PSMD4: variants seen among roughly 807,000 people sequenced by gnomAD.
PSMD4 encodes 26S proteasome non-ATPase regulatory subunit 4.
In PSMD4, 5 loss-of-function variants were observed where a neutral mutation model predicts 39.7. That is an observed-to-expected ratio of 0.13 (90% CI 0.07 to 0.26). The LOEUF is 0.26. Among genes scored for constraint, PSMD4 ranks in the 10% least tolerant of loss-of-function variants. The probability of loss-of-function intolerance (pLI) is 1.00; values close to 1 mark genes in which losing one functional copy is unlikely to be tolerated. For synonymous variants in PSMD4, 143 were observed against 174.6 expected (o/e 0.82, Z 1.43); for missense variants, 272 against 486.1 (o/e 0.56, Z 4.14).
Position 151,254,744 on chromosome 1 carries a change from C to G in PSMD4, c.-39C>G, listed in dbSNP as rs996186033. On this transcript the variant is annotated 5_prime_UTR_variant, in exon 1 of 10. Coordinates refer to ENST00000368884, the MANE Select transcript of PSMD4 (RefSeq NM_002810.4). ...CCAATTGGAGGAGTTGTTGTTAGGC[C>G]GTCCCGGAGACCCGGTCGGGAGGGA... The G allele has an allele frequency of 6.5e-7, 1 of 1,548,550 alleles. No homozygotes were observed. Among genetic ancestry groups the G allele is most frequent in the Admixed American group, 2.0e-5 (1 of 50,156 alleles).
In PSMD4 at chr1:151,266,288, T is replaced by A. The variant is rs375059401; in HGVS notation, c.764-20T>A. On this transcript the variant is annotated intron_variant, in intron 7 of 9. Coordinates refer to ENST00000368884, the MANE Select transcript of PSMD4 (RefSeq NM_002810.4). ...GGATATGGCACCAATTCTACCCTGC[T>A]CCTCTTTTCCTTTTCCCAGACTCAG... The A allele has an allele frequency of 1.2e-5, 19 of 1,613,962 alleles. 1 individual carries two copies. In the African/African-American group the frequency reaches 2.0e-4, roughly 17 times the overall value.
At position 151,265,273 on chromosome 1, in the gene PSMD4, G is replaced by T. The variant is rs750534606; in HGVS notation, c.438+39G>T. On this transcript the variant is annotated intron_variant, in intron 5 of 9. Transcript: ENST00000368884. ...GATTGGAGGGCATTGACTTAATTTGGTCATAAACAGAATGGTCCTTAACCC... is the reference window on the plus strand; with the variant it reads ...GATTGGAGGGCATTGACTTAATTTGTTCATAAACAGAATGGTCCTTAACCC... 4 of 1,601,738 alleles carry T rather than the reference G, an allele frequency of 2.5e-6. No individual in the cohort carries two copies. In the East Asian group the frequency reaches 6.7e-5, roughly 27 times the overall value.
intron 1 of PSMD4, among the ~76,000 whole-genome samples, chr1:151,255,176 GATT>G (rs1693134828): frequency 6.6e-6 from 1 of 152,192 alleles, no homozygotes; most frequent in African/African-American, 2.4e-5. Flanking sequence ...TAGGAAAATA[GATT>G]ATTAATCCCT....
chr1:151,256,586 C>T (rs1693177093), intron 1 of PSMD4, among the ~76,000 whole-genome samples: 1 of 144,216 alleles, frequency 6.9e-6, no homozygotes, highest in Non-Finnish European at 1.5e-5. Flanking sequence ...TTACAGGTGC[C>T]CGCCACCACG....
At position 151,258,448 on chromosome 1, in the gene PSMD4, A is replaced by AGT. The variant is rs796520474; in HGVS notation, c.26+3643_26+3644dup. On this transcript the variant is annotated intron_variant, in intron 1 of 9. Transcript: ENST00000368884. ...ATGTGCCATTGTATTACCCTTTTCG[A>AGT]GTGTTTTTTTTTTTTTTTTTTTTTT... 2.2e-3 allele frequency among the ~76,000 whole-genome samples: 218 copies of AGT among 100,986 alleles called. 24 individuals carry two copies. The highest frequency in any genetic ancestry group is 2.9e-3 in the South Asian group (8 of 2,804). The allele number at this position is 100,986 out of a possible 152,430, so 66.3% of individuals were successfully genotyped here. A position where few individuals can be genotyped will look rare whatever the true frequency, so the allele number is the denominator to read the frequency against.
chr1:151,259,200 G>T (rs1275288327), intron 1 of PSMD4: 2 of 152,184 alleles, frequency 1.3e-5, no homozygotes, highest in African/African-American at 4.8e-5. Context: ...TTGAACCTGT[G>T]CCTGAATACT....
chr1:151,259,991 G>A (rs1404221970), intron 1 of PSMD4, among the ~76,000 whole-genome samples: 2 of 152,046 alleles, frequency 1.3e-5, no homozygotes, highest in African/African-American at 4.8e-5. Flanking sequence ...CTGAGGTTGG[G>A]AGTTTGAGAC....
chr1:151,262,992 G>C (rs1693346998), intron 2 of PSMD4: 1 of 152,382 alleles, frequency 6.6e-6, no homozygotes, highest in African/African-American at 2.4e-5. Context: ...TGGGTCTGGA[G>C]GTGGAGAGGA....
chr1:151,264,377 C>T (rs1341740398), intron 3 of PSMD4, among the ~76,000 whole-genome samples: 1 of 151,296 alleles, frequency 6.6e-6, no homozygotes, highest in East Asian at 1.9e-4. Context: ...CGGTGGCTCA[C>T]ACCTGTAATC....
In PSMD4 at chr1:151,265,509, G is replaced by A. The variant is rs1693411383; in HGVS notation, c.554G>A (p.Ser185Asn). Reference protein sequence around the residue: ...PGPSLADALISSPILAGEGGA... With the variant: ...PGPSLADALINSPILAGEGGA... ...CCCAGTTTGGCTGATGCTCTCATCA[G>A]TTCTCCGATTTTGGCTGGTGAAGGT... The change falls in exon 6 of 10, where the codon AGT becomes AAT. Residue 185 changes from serine (S) to asparagine (N), a missense_variant. Ser to Asn is a conservative substitution (Grantham distance 46, BLOSUM62 1). Coordinates refer to ENST00000368884, the MANE Select transcript of PSMD4 (RefSeq NM_002810.4). 1.9e-6 allele frequency: 3 copies of A among 1,614,222 alleles called. No individual in the cohort carries two copies. Among genetic ancestry groups the A allele is most frequent in the South Asian group, 2.2e-5 (2 of 91,080 alleles).
intron 2 of PSMD4, among the ~76,000 whole-genome samples, chr1:151,263,372 G>A (rs911858236): frequency 3.3e-5 from 5 of 152,114 alleles, no homozygotes; most frequent in Non-Finnish European, 2.9e-5. Flanking sequence ...GCTGATGCAC[G>A]AGAATTACTT....
intron 1 of PSMD4, among the ~76,000 whole-genome samples, chr1:151,261,945 A>G (rs1326118574): frequency 1.0e-5 from 1 of 98,630 alleles, no homozygotes; most frequent in African/African-American, 4.3e-5. Flanking sequence ...ACAGAGCAAG[A>G]CCCTATCTCA....
At chr1:151,262,529 G>T in intron 2 of PSMD4, 1 of 548,692 alleles carries the variant, frequency 1.8e-6, no homozygotes, top group Non-Finnish European at 3.2e-6. Flanking sequence ...TTGTTTGTTG[G>T]GCAGGGCTAG....
chr1:151,257,640 C>G (rs1287640006), intron 1 of PSMD4, among the ~76,000 whole-genome samples: 2 of 149,726 alleles, frequency 1.3e-5, no homozygotes, highest in Non-Finnish European at 3.0e-5. Context: ...CTCCGCCTCT[C>G]AGGTTCAAGT....
Position 151,263,897 on chromosome 1 carries a change from C to G in PSMD4, c.168-17C>G, listed in dbSNP as rs1051721127. ...GTGCTGACCTGAATTCACTGAAATG[C>G]TTTTCCTACATCCCAGTGACTGTGA... On this transcript the variant is annotated splice_polypyrimidine_tract_variant and intron_variant, in intron 2 of 9. Coordinates refer to ENST00000368884, the MANE Select transcript of PSMD4 (RefSeq NM_002810.4). The G allele has an allele frequency of 2.0e-6, 3 of 1,520,740 alleles. No individual in the cohort carries two copies. The highest frequency in any genetic ancestry group is 2.8e-5 in the African/African-American group (2 of 72,290). The allele number at this position is 1,520,740 out of a possible 1,614,324, so 94.2% of individuals were successfully genotyped here. A position where few individuals can be genotyped will look rare whatever the true frequency, so the allele number is the denominator to read the frequency against.
chr1:151,266,185 G>A (rs1693445857), intron 7 of PSMD4, 73 bp downstream of exon 7: 1 of 1,589,954 alleles, frequency 6.3e-7, no homozygotes, highest in Admixed American at 1.7e-5. Flanking sequence ...AGGCACTGCA[G>A]GGAGAGTGTG....
intron 1 of PSMD4, among the ~76,000 whole-genome samples, chr1:151,257,872 C>T (rs1180123699): frequency 6.6e-6 from 1 of 151,424 alleles, no homozygotes; most frequent in African/African-American, 2.4e-5. Context: ...GCAGTATGGC[C>T]ATTTTAATGA....
chr1:151,265,870 C>A, intron 6 of PSMD4, 134 bp from the exon 7 acceptor site: 1 of 1,256,578 alleles, frequency 8.0e-7, no homozygotes, highest in Non-Finnish European at 1.1e-6. Context: ...CACTGCTTAT[C>A]CCTCCAGCTT....
chr1:151,265,934 C>T (rs943192321), intron 6 of PSMD4, 70 bp from the exon 7 acceptor site: 3 of 1,500,776 alleles, frequency 2.0e-6, no homozygotes, highest in African/African-American at 1.4e-5. Context: ...TCCCACACCC[C>T]AACTGACTTT....
Sources: gnomAD v4.1 joint callset for allele counts (sites outside exome capture counted in the v4.1 genomes callset) on GRCh38, gnomAD v4.1.1 for gene constraint, MANE v1.5 for transcripts, NCBI Gene and HGNC (gene_info 2026-07-23, HGNC 2026-07-21) for gene names.